Variants in PCF11 observed in about 807,000 individuals in gnomAD.
PCF11 encodes pre-mRNA cleavage complex 2 protein Pcf11.
A neutral mutation model predicts 166.1 loss-of-function variants in PCF11; 19 were observed. The observed-to-expected ratio is 0.11, with a 90% CI of 0.08 to 0.17. PCF11 has a LOEUF of 0.17. Ranked by LOEUF, PCF11 falls within the 10% of genes least tolerant of loss-of-function variation. The probability of loss-of-function intolerance (pLI) is 1.00; values close to 1 mark genes in which losing one functional copy is unlikely to be tolerated. For synonymous variants in PCF11, 663 were observed against 644.1 expected (o/e 1.03, Z -0.44); for missense variants, 1,565 against 1,855.5 (o/e 0.84, Z 2.88).
At chr11:83,178,001 A>G (rs1290032460) in intron 11 of PCF11, among the ~76,000 whole-genome samples, 182 bp downstream of exon 11, 2 of 147,730 alleles carry the variant, frequency 1.4e-5, no homozygotes, top group Non-Finnish European at 3.0e-5. Flanking sequence ...TGGGAAGCCT[A>G]TTTTTAAATC....
At chr11:83,165,649 C>G in exon 5 of PCF11, 1 of 1,613,250 alleles carries the variant, frequency 6.2e-7, no homozygotes, top group Non-Finnish European at 8.5e-7. Flanking sequence ...GGTCCTGGAT[C>G]TGCACCATCC....
In PCF11 at chr11:83,161,771, T is replaced by G. The variant is rs146514081; in HGVS notation, c.318+319T>G. On this transcript the variant is annotated intron_variant, in intron 2 of 15. Transcript: ENST00000298281. ...AACCAGGCAAAAAGATCTGAAATCG[T>G]CAAGAGTAATTAAAATTTCATTGTT... Among the ~76,000 whole-genome samples the G allele has an allele frequency of 7.8e-4, 119 of 152,324 alleles. 1 individual carries two copies. In the East Asian group the frequency reaches 0.022, roughly 28 times the overall value.
At position 83,167,002 on chromosome 11, in the gene PCF11, A is replaced by T; in HGVS notation, c.1818-123A>T. 1.3e-6 allele frequency: 1 copy of T among 760,816 alleles called. No homozygotes were observed. Among genetic ancestry groups the T allele is most frequent in the Non-Finnish European group, 2.1e-6 (1 of 471,308 alleles). The allele number at this position is 760,816 out of a possible 1,614,324, so 47.1% of individuals were successfully genotyped here. ...ATTTTGTGCTCTTAATCATTTATTTAATTACTTTTTGTGGTTACATATGCC... is the reference window on the plus strand; with the variant it reads ...ATTTTGTGCTCTTAATCATTTATTTTATTACTTTTTGTGGTTACATATGCC... On this transcript the variant is annotated intron_variant, in intron 5 of 15. Transcript: ENST00000298281. The surrounding 1 kb of genome is among the most constrained non-coding windows in gnomAD (Gnocchi z 4.2).
At chr11:83,165,161 G>A (rs757213395) in intron 4 of PCF11, among the ~76,000 whole-genome samples, 7 of 152,244 alleles carry the variant, frequency 4.6e-5, no homozygotes, top group Non-Finnish European at 5.9e-5. Flanking sequence ...GAGCTTATTC[G>A]ACAGTGAGGT....
At chr11:83,184,750 C>T in exon 16 of PCF11, 1 of 1,611,890 alleles carries the variant, frequency 6.2e-7, no homozygotes, top group East Asian at 2.2e-5. Context: ...TTATGTTGAA[C>T]ATTGTCAAAA....
rs565943830 is a variant in PCF11 at position 83,177,698 on chromosome 11, C to T, written c.3878-16C>T. 7.5e-7 allele frequency: 1 copy of T among 1,338,096 alleles called. No homozygotes were observed. Among genetic ancestry groups the T allele is most frequent in the South Asian group, 1.3e-5 (1 of 75,556 alleles). The allele number at this position is 1,338,096 out of a possible 1,614,324, so 82.9% of individuals were successfully genotyped here. On this transcript the variant is annotated splice_polypyrimidine_tract_variant and intron_variant, in intron 10 of 15. Coordinates refer to ENST00000298281, the Ensembl canonical transcript of PCF11. The stretch of plus-strand genomic sequence containing the variant: ...GAATGGTATTAAGAAATTTGTATGT[C>T]TCTTCTTAATTGAAGAAGTAAGTGA...
At chr11:83,165,567 A>G (rs771172990) in intron 4 of PCF11, 33 bp from the exon 5 acceptor site, 2 of 1,538,876 alleles carry the variant, frequency 1.3e-6, no homozygotes, top group South Asian at 2.5e-5. Context: ...CATGTTCTGC[A>G]GTGTTAACAT....
intron 4 of PCF11, among the ~76,000 whole-genome samples, chr11:83,165,168 A>AG (rs1227833552): frequency 3.9e-5 from 6 of 152,218 alleles, no homozygotes. Context: ...TTCGACAGTG[A>AG]GGTGCAGGAA....
intron 8 of PCF11, among the ~76,000 whole-genome samples, chr11:83,170,445 T>G (rs1860647372): frequency 6.6e-6 from 1 of 152,202 alleles, no homozygotes; most frequent in South Asian, 2.1e-4. Flanking sequence ...GCTTTCACAG[T>G]CTACAATTCT....
intron 8 of PCF11, 114 bp downstream of exon 8, chr11:83,170,109 A>G (rs1488047776): frequency 1.1e-6 from 1 of 900,144 alleles, no homozygotes; most frequent in African/African-American, 1.7e-5. Flanking sequence ...GAAGTTTTTA[A>G]TGTACTCTAA....
At position 83,161,786 on chromosome 11, in the gene PCF11, A is replaced by G. The variant is rs184791573; in HGVS notation, c.318+334A>G. ...TCTGAAATCGTCAAGAGTAATTAAA[A>G]TTTCATTGTTTACATTTCTGGTGTT... On this transcript the variant is annotated intron_variant, in intron 2 of 15. Transcript: ENST00000298281. 3.3e-5 allele frequency among the ~76,000 whole-genome samples: 5 copies of G among 152,306 alleles called. 1 individual carries two copies. The highest frequency in any genetic ancestry group is 2.6e-4 in the Admixed American group (4 of 15,300).
chr11:83,157,783 C>T, intron 1 of PCF11, 152 bp downstream of exon 1: 1 of 696,864 alleles, frequency 1.4e-6, no homozygotes, highest in Non-Finnish European at 2.4e-6. Flanking sequence ...GTCTTTGGCC[C>T]AGGCTTCGAG....
intron 1 of PCF11, among the ~76,000 whole-genome samples, chr11:83,159,407 AT>A (rs1860140378): frequency 6.6e-6 from 1 of 152,212 alleles, no homozygotes. Flanking sequence ...GGGATTTAAT[AT>A]TCCACAGCGC....
chr11:83,173,257 C>T (rs563961738), intron 9 of PCF11, among the ~76,000 whole-genome samples: 1 of 152,218 alleles, frequency 6.6e-6, no homozygotes, highest in Non-Finnish European at 1.5e-5. Context: ...GAGATGGAGA[C>T]CATCCTGGCC....
At chr11:83,157,353 A>C in exon 1 of PCF11, 4 of 1,198,562 alleles carry the variant, frequency 3.3e-6, no homozygotes, top group Admixed American at 2.1e-5. Flanking sequence ...AGAGCCGGGG[A>C]GAGGAAGAGG....
At chr11:83,182,619 G>A (rs1431372296) in intron 14 of PCF11, 128 bp downstream of exon 14, 8 of 607,506 alleles carry the variant, frequency 1.3e-5, no homozygotes, top group Admixed American at 9.5e-5. Context: ...AAAGGGTATT[G>A]GACTTTAGTA....
intron 8 of PCF11, among the ~76,000 whole-genome samples, chr11:83,170,527 T>C (rs1004084706): frequency 2.0e-5 from 3 of 152,220 alleles, no homozygotes; most frequent in African/African-American, 7.2e-5. Context: ...TTGTTTGATA[T>C]TAATGACAAC....
At chr11:83,183,916 C>T (rs1044230648) in intron 15 of PCF11, among the ~76,000 whole-genome samples, 58 of 151,884 alleles carry the variant, frequency 3.8e-4, no homozygotes, top group African/African-American at 1.4e-3. Context: ...TTTTGGGAGG[C>T]CGAGGCGAGT....
chr11:83,180,944 A>T lies in PCF11; in HGVS notation c.3984-64A>T. 4.7e-6 allele frequency: 4 copies of T among 856,944 alleles called. No individual in the cohort carries two copies. In the South Asian group the frequency reaches 6.1e-5, roughly 13 times the overall value. 53.1% of individuals were successfully genotyped at this position (856,944 alleles called of 1,614,324 possible). On this transcript the variant is annotated intron_variant, in intron 11 of 15. Coordinates refer to ENST00000298281, the Ensembl canonical transcript of PCF11. Reference sequence around the variant, plus strand: ...AGTATGGAAAATTGAAATATTTGTAATTGGCTTTTAAAGGCCATTAAGCCA... The same window carrying T: ...AGTATGGAAAATTGAAATATTTGTATTTGGCTTTTAAAGGCCATTAAGCCA...
Sources: gnomAD v4.1 joint callset for allele counts (sites outside exome capture counted in the v4.1 genomes callset) on GRCh38, gnomAD v4.1.1 for gene constraint, Gnocchi (gnomAD v3.1) non-coding constraint, MANE v1.5 for transcripts, NCBI Gene and HGNC (gene_info 2026-07-23, HGNC 2026-07-21) for gene names.